COL23A1: variants seen among roughly 807,000 people sequenced by gnomAD.
COL23A1 encodes the protein collagen alpha-1(XXIII) chain.
COL23A1 carries 97 observed loss-of-function variants against 99.3 expected under a neutral mutation model. The observed-to-expected ratio is 0.98, with a 90% CI of 0.83 to 1.16. COL23A1 has a LOEUF of 1.16. COL23A1 is among the 50% of genes most tolerant of loss of function. COL23A1 has a pLI of 0.00. For missense variants in COL23A1, 762 were observed against 757.4 expected, an observed-to-expected ratio of 1.01 and a Z score of -0.07; for synonymous variants, 320 against 308.2, an observed-to-expected ratio of 1.04 and a Z score of -0.40.
intron 2 of COL23A1, among the ~76,000 whole-genome samples, chr5:178,325,128 T>G (rs1211981590): frequency 6.6e-6 from 1 of 152,172 alleles, no homozygotes; most frequent in African/African-American, 2.4e-5. Context: ...TGAACTTCTG[T>G]CCCCTCCAGG....
At chr5:178,486,725 G>A (rs923852543) in intron 2 of COL23A1, among the ~76,000 whole-genome samples, 4 of 152,144 alleles carry the variant, frequency 2.6e-5, no homozygotes, top group Non-Finnish European at 5.9e-5. Context: ...CTTCAGACAT[G>A]CCAAGGCCAA....
intron 3 of COL23A1, among the ~76,000 whole-genome samples, chr5:178,304,681 T>G (rs1014870772): frequency 1.3e-5 from 2 of 152,132 alleles, no homozygotes. Flanking sequence ...GTCTGTTCTG[T>G]GTAGCTCACT....
intron 5 of COL23A1, among the ~76,000 whole-genome samples, chr5:178,274,070 T>C (rs2973758): frequency 0.55 from 83,739 of 152,182 alleles, 25,897 homozygotes; most frequent in Non-Finnish European, 0.72. Flanking sequence ...GATTCCACGG[T>C]TGAGTAAGTC....
intron 2 of COL23A1, among the ~76,000 whole-genome samples, chr5:178,502,924 A>G (rs7725137): frequency 0.017 from 2,618 of 152,340 alleles, 86 homozygotes; most frequent in African/African-American, 0.06. Context: ...GCACAGCACC[A>G]GGACTGAATG....
intron 5 of COL23A1, among the ~76,000 whole-genome samples, chr5:178,288,105 C>T (rs1004794850): frequency 3.9e-5 from 6 of 152,172 alleles, no homozygotes; most frequent in African/African-American, 1.4e-4. Context: ...GCCACCCAGA[C>T]ACCTGCTCGA....
intron 2 of COL23A1, among the ~76,000 whole-genome samples, chr5:178,481,129 CTCA>C: frequency 2.8e-5 from 1 of 35,330 alleles, no homozygotes; most frequent in East Asian, 1.2e-3. Context: ...GAGACTGTCT[CTCA>C]AAAAAAAAAA....
chr5:178,335,993 C>T (rs1029953151), intron 2 of COL23A1, among the ~76,000 whole-genome samples: 1 of 152,160 alleles, frequency 6.6e-6, no homozygotes, highest in South Asian at 2.1e-4. Flanking sequence ...TTCTGAGGTT[C>T]GTTTTGCCTT....
intron 2 of COL23A1, among the ~76,000 whole-genome samples, chr5:178,518,438 G>A (rs1205586400): frequency 2.3e-4 from 34 of 150,112 alleles, no homozygotes; most frequent in African/African-American, 7.1e-4. Context: ...GGTGGTGGCC[G>A]GGCAGAGGGG....
chr5:178,524,195 C>G (rs1019650906), intron 2 of COL23A1, among the ~76,000 whole-genome samples: 12 of 152,162 alleles, frequency 7.9e-5, no homozygotes, highest in African/African-American at 2.9e-4. Context: ...CCAATAACAT[C>G]ACCAGGGCTC....
At chr5:178,264,297 T>C (rs143001839) in intron 8 of COL23A1, among the ~76,000 whole-genome samples, 12 of 150,572 alleles carry the variant, frequency 8.0e-5, no homozygotes, top group African/African-American at 2.7e-4. Flanking sequence ...TGTTATTCAC[T>C]ACAATTACAT....
chr5:178,586,053 A>G (rs1763987914), intron 1 of COL23A1, among the ~76,000 whole-genome samples: 1 of 152,218 alleles, frequency 6.6e-6, no homozygotes, highest in Non-Finnish European at 1.5e-5. Context: ...TTGGGTGAAG[A>G]CATAGGTTCA....
intron 2 of COL23A1, among the ~76,000 whole-genome samples, chr5:178,538,510 A>T (rs1036942678): frequency 1.1e-4 from 17 of 152,214 alleles, no homozygotes; most frequent in Non-Finnish European, 5.9e-5. Context: ...TTTCTATTCT[A>T]ATCTTGTTAG....
Position 178,366,180 on chromosome 5 carries a change from C to T in COL23A1, c.362-59261G>A, listed in dbSNP as rs1762466607. Among the ~76,000 whole-genome samples the T allele has an allele frequency of 6.6e-6, 1 of 152,220 alleles. No homozygotes were observed. On this transcript the variant is annotated intron_variant, in intron 2 of 28. Coordinates refer to ENST00000390654, the MANE Select transcript of COL23A1 (RefSeq NM_173465.4). This position sits in a 1 kb window ranked among gnomAD's most constrained non-coding sequence, Gnocchi z 4.4. ...AAGGGCAGGGCTGGGTCTGATTCACCTCTTCCTCCCCGGAGCCCAGGGTTC... is the reference window on the plus strand; with the variant it reads ...AAGGGCAGGGCTGGGTCTGATTCACTTCTTCCTCCCCGGAGCCCAGGGTTC...
intron 2 of COL23A1, among the ~76,000 whole-genome samples, chr5:178,423,195 G>A (rs1020249509): frequency 3.3e-5 from 5 of 151,962 alleles, no homozygotes; most frequent in Non-Finnish European, 5.9e-5. Flanking sequence ...ATGTTGCCCA[G>A]GCTGGACTTG....
chr5:178,509,864 G>A (rs1417287653), intron 2 of COL23A1, among the ~76,000 whole-genome samples: 1 of 152,142 alleles, frequency 6.6e-6, no homozygotes, highest in Non-Finnish European at 1.5e-5. Context: ...TTTCTCTTCA[G>A]CTACTATTTA....
chr5:178,576,617 T>C (rs894164914), intron 1 of COL23A1, among the ~76,000 whole-genome samples: 2 of 152,058 alleles, frequency 1.3e-5, no homozygotes, highest in African/African-American at 4.8e-5. Context: ...CAGAGACCCA[T>C]CCAGGCGGTA....
intron 3 of COL23A1, among the ~76,000 whole-genome samples, chr5:178,294,206 C>T (rs961870576): frequency 2.0e-4 from 30 of 151,928 alleles, no homozygotes; most frequent in African/African-American, 7.3e-4. Flanking sequence ...TGGTGCCTTC[C>T]ACGTGGTGAT....
intron 3 of COL23A1, among the ~76,000 whole-genome samples, chr5:178,297,677 C>T (rs984048942): frequency 1.3e-5 from 2 of 152,180 alleles, no homozygotes; most frequent in Admixed American, 6.5e-5. Context: ...TGTCAGCCCC[C>T]GGAAAGGCAC....
intron 2 of COL23A1, among the ~76,000 whole-genome samples, chr5:178,449,168 T>C (rs115315443): frequency 0.011 from 1,654 of 152,192 alleles, 36 homozygotes; most frequent in African/African-American, 0.038. Context: ...ATATTTCCAT[T>C]GTGTATAAAT....
Sources: allele counts gnomAD v4.1 joint callset (sites outside exome capture counted in the v4.1 genomes callset), GRCh38; gene constraint gnomAD v4.1.1; non-coding constraint Gnocchi (gnomAD v3.1); transcripts MANE v1.5; gene names NCBI Gene and HGNC (gene_info 2026-07-23, HGNC 2026-07-21).